The following LSG1 variants were observed in gnomAD, a reference collection of about 807,000 sequenced individuals.
The protein encoded by LSG1 is large 60S subunit nuclear export GTPase 1.
Under a neutral mutation model 82.6 loss-of-function variants are expected in LSG1, and 55 were observed. The ratio of observed to expected loss-of-function variants is 0.67; its 90% confidence interval spans 0.54 to 0.83. The LOEUF (loss-of-function observed/expected upper bound fraction) is 0.83, where lower values mean the gene tolerates loss of function less well. Among genes scored for constraint, LSG1 ranks in the 40% least tolerant of loss-of-function variants. The pLI is 0.00. For missense variants in LSG1, 809 were observed against 807.9 expected, an observed-to-expected ratio of 1.00 and a Z score of -0.02; for synonymous variants, 272 against 282.5, an observed-to-expected ratio of 0.96 and a Z score of 0.37.
At position 194,645,527 on chromosome 3, in the gene LSG1, CACAG is replaced by C. The variant is rs869241312; in HGVS notation, c.1623+633_1623+636del. ...ACACACACACACACACACACACACA[CACAG>C]ACAGACACACACACACACACACACA... On this transcript the variant is annotated intron_variant, in intron 12 of 13. Transcript: ENST00000265245. 2.4e-4 allele frequency: 9 copies of C among 37,082 alleles called. 1 individual carries two copies. The highest frequency in any genetic ancestry group is 1.6e-3 in the South Asian group (2 of 1,254). 2.3% of individuals were successfully genotyped at this position (37,082 alleles called of 1,614,324 possible).
intron 3 of LSG1, 29 bp downstream of exon 3, chr3:194,666,423 G>A (rs1306738678): frequency 7.5e-6 from 12 of 1,609,398 alleles, no homozygotes; most frequent in Non-Finnish European, 1.0e-5. Context: ...CGGATGTTTT[G>A]TGGCATTCTA....
At chr3:194,666,625 T>C in intron 2 of LSG1, 53 bp from the exon 3 acceptor site, 1 of 1,484,720 alleles carries the variant, frequency 6.7e-7, no homozygotes, top group East Asian at 2.3e-5. Flanking sequence ...AGATACAGAG[T>C]GTTTGGTCAT....
At chr3:194,645,513 C>CACACACACAGACAG (rs1718505969) in intron 12 of LSG1, 1 of 52,192 alleles carries the variant, frequency 1.9e-5, no homozygotes, top group African/African-American at 6.2e-5. Flanking sequence ...CACACACACA[C>CACACACACAGACAG]ACACACACAC....
intron 7 of LSG1, among the ~76,000 whole-genome samples, chr3:194,658,726 A>T (rs1177999108): frequency 3.3e-5 from 5 of 152,224 alleles, no homozygotes; most frequent in African/African-American, 1.2e-4. Flanking sequence ...AAATTTAAAA[A>T]TACAGCTAAT....
intron 5 of LSG1, 104 bp downstream of exon 5, chr3:194,665,453 T>C (rs1466008179): frequency 4.3e-6 from 3 of 701,332 alleles, no homozygotes; most frequent in South Asian, 2.0e-5. Flanking sequence ...ACCCTCTGCA[T>C]AGCTTAATTC....
At chr3:194,646,303 C>G in intron 11 of LSG1, 60 bp from the exon 12 acceptor site, 1 of 1,300,284 alleles carries the variant, frequency 7.7e-7, no homozygotes, top group Non-Finnish European at 1.1e-6. Flanking sequence ...ACAAAGACAA[C>G]TGAGGTGATG....
At position 194,672,057 on chromosome 3, in the gene LSG1, G is replaced by C. The variant is rs747408468; in HGVS notation, c.99+7C>G. 6.2e-7 allele frequency: 1 copy of C among 1,610,544 alleles called. No individual in the cohort carries two copies. The highest frequency in any genetic ancestry group is 8.5e-7 in the Non-Finnish European group (1 of 1,178,160). On this transcript the variant is annotated splice_region_variant and intron_variant, in intron 1 of 13. Coordinates refer to ENST00000265245, the MANE Select transcript of LSG1 (RefSeq NM_018385.3). ...AAAGATAAGAAAGATGACATGGTCT[G>C]TCTTACCCAGGAGTCAGTGTGACGA... is the stretch of plus-strand genomic sequence containing the variant.
At position 194,666,277 on chromosome 3, in the gene LSG1, G is replaced by C; in HGVS notation, c.360C>G (p.Asn120Lys). ...FLCIPRRPNW[N>K]QNTTPEELKQ... is the part of the protein sequence containing the mutation. ...TGAGTTCTTCTGGGGTAGTATTTTGGTTCCAGTTTGGTCTGAAACAATCAT... is the reference window on the plus strand; with the variant it reads ...TGAGTTCTTCTGGGGTAGTATTTTGCTTCCAGTTTGGTCTGAAACAATCAT... Residue 120 changes from asparagine (N) to lysine (K), a missense_variant, in exon 4 of 14, where the codon AAC becomes AAG. By Grantham distance (94) the Asn-to-Lys change is moderately conservative. Coordinates refer to ENST00000265245, the MANE Select transcript of LSG1 (RefSeq NM_018385.3). 1 of 1,613,996 alleles carries C rather than the reference G, an allele frequency of 6.2e-7. No individual in the cohort carries two copies. The highest frequency in any genetic ancestry group is 8.5e-7 in the Non-Finnish European group (1 of 1,179,966).
chr3:194,651,237 A>G (rs762838900), intron 8 of LSG1, 21 bp from the exon 9 acceptor site: 2 of 1,527,074 alleles, frequency 1.3e-6, no homozygotes, highest in Non-Finnish European at 1.8e-6. Flanking sequence ...CTCAGAAGTT[A>G]CCAAACAGTA....
chr3:194,665,305 ATC>A (rs1235481247), intron 5 of LSG1, among the ~76,000 whole-genome samples: 3 of 152,250 alleles, frequency 2.0e-5, no homozygotes, highest in Non-Finnish European at 4.4e-5. Context: ...TTGCTAAAAT[ATC>A]TATATAGGTG....
chr3:194,669,541 T>G (rs1719101087), intron 2 of LSG1, among the ~76,000 whole-genome samples: 1 of 152,212 alleles, frequency 6.6e-6, no homozygotes, highest in Non-Finnish European at 1.5e-5. Context: ...CTAGCCATTT[T>G]CTGAACAAAG....
chr3:194,665,503 C>G, intron 5 of LSG1, 54 bp downstream of exon 5: 1 of 1,336,576 alleles, frequency 7.5e-7, no homozygotes, highest in South Asian at 1.2e-5. Flanking sequence ...ACAGCCAAAT[C>G]GAATATAACT....
In LSG1 at chr3:194,640,813, T is replaced by C. The variant is rs544874705; in HGVS notation, c.*1255A>G. 3 of 151,936 alleles carry C rather than the reference T, an allele frequency of 2.0e-5. No homozygotes were observed. Among genetic ancestry groups the C allele is most frequent in the Non-Finnish European group, 2.9e-5 (2 of 68,042 alleles). The allele number at this position is 151,936 out of a possible 1,614,324, so 9.4% of individuals were successfully genotyped here. A position where few individuals can be genotyped will look rare whatever the true frequency, so the allele number is the denominator to read the frequency against. Reference sequence around the variant, plus strand: ...TAATTTATAAAGAAAAGAGGTTTAATTGGCTCACGGTCCTGTAGATGGTAC... The same window carrying C: ...TAATTTATAAAGAAAAGAGGTTTAACTGGCTCACGGTCCTGTAGATGGTAC... On this transcript the variant is annotated 3_prime_UTR_variant, in exon 14 of 14. Coordinates refer to ENST00000265245, the MANE Select transcript of LSG1 (RefSeq NM_018385.3).
In LSG1 at chr3:194,645,571, GACAGACACACACACAC is replaced by G. The variant is rs1718525002; in HGVS notation, c.1623+577_1623+592del. 5.8e-3 allele frequency among the ~76,000 whole-genome samples: 240 copies of G among 41,318 alleles called. 21 individuals are homozygous for G. The highest frequency in any genetic ancestry group is 0.019 in the South Asian group (19 of 1,004). The allele number at this position is 41,318 out of a possible 152,430, so 27.1% of individuals were successfully genotyped here. Reference sequence around the variant, plus strand: ...ACACACACACACACACACACACACAGACAGACACACACACACACACACACACACACACACACACACA... The same window carrying G: ...ACACACACACACACACACACACACAGACACACACACACACACACACACACA... On this transcript the variant is annotated intron_variant, in intron 12 of 13. Coordinates refer to ENST00000265245, the MANE Select transcript of LSG1 (RefSeq NM_018385.3).
At chr3:194,645,748 G>C (rs1268635623) in intron 12 of LSG1, among the ~76,000 whole-genome samples, 7 of 152,304 alleles carry the variant, frequency 4.6e-5, no homozygotes, top group South Asian at 2.1e-4. Flanking sequence ...TCACAGACTT[G>C]TTACATATTT....
chr3:194,666,046 CTT>C (rs1453329093), intron 4 of LSG1, among the ~76,000 whole-genome samples, 155 bp downstream of exon 4: 1 of 152,258 alleles, frequency 6.6e-6, no homozygotes, highest in Non-Finnish European at 1.5e-5. Flanking sequence ...ACCTAGCAAT[CTT>C]GTTTGTGCAT....
chr3:194,649,695 C>CA (rs1052069289), intron 10 of LSG1, among the ~76,000 whole-genome samples: 22 of 143,296 alleles, frequency 1.5e-4, no homozygotes, highest in East Asian at 4.1e-4. Flanking sequence ...ATCTCAAAAA[C>CA]AAAAAAAAAA....
chr3:194,668,473 G>A (rs759896063), intron 2 of LSG1, among the ~76,000 whole-genome samples: 6 of 152,116 alleles, frequency 3.9e-5, no homozygotes, highest in Non-Finnish European at 5.9e-5. Context: ...ATCCTAGTGG[G>A]TGAAGTGGTT....
intron 4 of LSG1, 49 bp downstream of exon 4, chr3:194,666,154 C>A: frequency 6.6e-7 from 1 of 1,507,830 alleles, no homozygotes; most frequent in East Asian, 2.3e-5. Context: ...TGCCAAATAT[C>A]TGAACTCAGG....
Sources: allele counts gnomAD v4.1 joint callset (sites outside exome capture counted in the v4.1 genomes callset), GRCh38; gene constraint gnomAD v4.1.1; transcripts MANE v1.5; gene names NCBI Gene and HGNC (gene_info 2026-07-23, HGNC 2026-07-21).